Variants in RBM27 observed in about 807,000 individuals in gnomAD.
RBM27 encodes the protein RNA-binding protein 27.
RBM27 carries 22 observed loss-of-function variants against 135.3 expected under a neutral mutation model. The ratio of observed to expected loss-of-function variants is 0.16; its 90% CI spans 0.12 to 0.23. The LOEUF (loss-of-function observed/expected upper bound fraction) is 0.23. RBM27 is among the 10% of genes least tolerant of loss of function. RBM27 has a pLI of 1.00. For missense variants in RBM27, 1,009 were observed against 1,281.0 expected, an observed-to-expected ratio of 0.79 and a Z score of 3.24; for synonymous variants, 481 against 442.4, an observed-to-expected ratio of 1.09 and a Z score of -1.10.
Position 146,242,720 on chromosome 5 carries a change from A to G in RBM27, c.1279+5288A>G, listed in dbSNP as rs571735714. On this transcript the variant is annotated intron_variant, in intron 8 of 20. Transcript: ENST00000265271. ...TCGATTCTTCTGCCGGAGCTTCCCC[A>G]GTAGCTGGGATTACAGGCACATGCC... is the stretch of plus-strand genomic sequence containing the variant. Among the ~76,000 whole-genome samples, 386 of 152,188 alleles carry G rather than the reference A, an allele frequency of 2.5e-3. 4 individuals carry two copies. Among genetic ancestry groups the G allele is most frequent in the African/African-American group, 9.0e-3 (373 of 41,542 alleles).
chr5:146,248,832 G>T lies in RBM27; in HGVS notation c.1280-2879G>T, dbSNP rs1757749761. Among the ~76,000 whole-genome samples, 3 of 151,622 alleles carry T rather than the reference G, an allele frequency of 2.0e-5. No homozygotes were observed. The South Asian group carries it at 6.2e-4, about 32-fold the overall frequency. On this transcript the variant is annotated intron_variant, in intron 8 of 20. Transcript: ENST00000265271. ...GGGCAAAGTAGCCTTTTGGTTTCCA[G>T]TTTACTTTGAGACAGCTATTATTAA...
intron 1 of RBM27, among the ~76,000 whole-genome samples, chr5:146,213,355 T>A (rs906545781): frequency 6.6e-6 from 1 of 152,094 alleles, no homozygotes; most frequent in African/African-American, 2.4e-5. Flanking sequence ...ACCCTTGGCC[T>A]CCCAAAGTGT....
Position 146,283,334 on chromosome 5 carries a change from G to A in RBM27, c.2989-1288G>A, listed in dbSNP as rs562954240. On this transcript the variant is annotated intron_variant, in intron 19 of 20. Transcript: ENST00000265271. ...GTGGGAGAATTCCTCGAGCCCAAGA[G>A]TTTGAGACCAGCCTGGGCAACATCG... 1.8e-4 allele frequency among the ~76,000 whole-genome samples: 27 copies of A among 152,242 alleles called. No individual in the cohort carries two copies. In the East Asian group the frequency reaches 4.8e-3, roughly 27 times the overall value.
intron 2 of RBM27, among the ~76,000 whole-genome samples, 153 bp downstream of exon 2, chr5:146,219,256 A>C (rs1756338384): frequency 6.6e-6 from 1 of 152,200 alleles, no homozygotes; most frequent in Non-Finnish European, 1.5e-5. Context: ...ATTATTTATC[A>C]TGTTTTGTTA....
chr5:146,254,322 A>G (rs1758017103), intron 9 of RBM27, among the ~76,000 whole-genome samples: 1 of 152,132 alleles, frequency 6.6e-6, no homozygotes, highest in African/African-American at 2.4e-5. Flanking sequence ...AAGTGCATTG[A>G]CATTTGGATT....
At chr5:146,211,462 A>ATGG (rs1334313720) in intron 1 of RBM27, among the ~76,000 whole-genome samples, 1 of 52,038 alleles carries the variant, frequency 1.9e-5, no homozygotes, top group Non-Finnish European at 4.2e-5. Flanking sequence ...GTATGGTCTT[A>ATGG]TCTTTTTTTT....
intron 2 of RBM27, among the ~76,000 whole-genome samples, chr5:146,220,031 C>G (rs1756378031): frequency 6.6e-6 from 1 of 152,064 alleles, no homozygotes; most frequent in Admixed American, 6.5e-5. Flanking sequence ...CTGTGCCTGA[C>G]TCCTGTTTTG....
intron 9 of RBM27, among the ~76,000 whole-genome samples, chr5:146,254,112 A>G (rs914402540): frequency 6.6e-6 from 1 of 152,116 alleles, no homozygotes; most frequent in Admixed American, 6.6e-5. Context: ...AACAGAGGAA[A>G]CTCAATTCTT....
chr5:146,266,819 C>A (rs1758637892), intron 14 of RBM27, among the ~76,000 whole-genome samples: 1 of 151,998 alleles, frequency 6.6e-6, no homozygotes, highest in African/African-American at 2.4e-5. Flanking sequence ...CACCTATAGC[C>A]CCAGCTACTC....
chr5:146,211,494 T>TA (rs1755951831), intron 1 of RBM27, among the ~76,000 whole-genome samples: 2 of 108,598 alleles, frequency 1.8e-5, no homozygotes, highest in South Asian at 6.2e-4. Context: ...TTTTTTTTTT[T>TA]ACTTTGAGAG....
chr5:146,264,357 A>G (rs1758525410), intron 14 of RBM27, among the ~76,000 whole-genome samples: 1 of 151,714 alleles, frequency 6.6e-6, no homozygotes, highest in Non-Finnish European at 1.5e-5. Context: ...CTGATTTTGT[A>G]TTTTTAGTGG....
At chr5:146,261,832 G>A (rs757939292) in intron 13 of RBM27, 26 bp downstream of exon 13, 2 of 1,612,530 alleles carry the variant, frequency 1.2e-6, no homozygotes. Context: ...GGGAATTAAA[G>A]GTCTTTTAGT....
At chr5:146,240,195 CT>C (rs1388088129) in intron 8 of RBM27, among the ~76,000 whole-genome samples, 4 of 151,530 alleles carry the variant, frequency 2.6e-5, no homozygotes, top group Admixed American at 2.6e-4. Flanking sequence ...CATGGCTCAA[CT>C]TTCCCCCCCA....
At chr5:146,226,428 G>C (rs980763346) in intron 3 of RBM27, among the ~76,000 whole-genome samples, 1 of 151,994 alleles carries the variant, frequency 6.6e-6, no homozygotes, top group Non-Finnish European at 1.5e-5. Flanking sequence ...GCCCAGGCTG[G>C]AGTGCAATGG....
chr5:146,233,566 C>T lies in RBM27; in HGVS notation c.967C>T (p.Leu323Phe), dbSNP rs1757029922. Reference sequence around the variant, plus strand: ...TCCTTTCCCACCCCCTCCTCCTGGGCTTCCTCCTCCACCACCTCCTGGAAT... The same window carrying T: ...TCCTTTCCCACCCCCTCCTCCTGGGTTTCCTCCTCCACCACCTCCTGGAAT... ...MIPFPPPPPG[L>F]PPPPPPGMLM... Residue 323 changes from leucine (L) to phenylalanine (F), a missense_variant, in exon 7 of 21, where the codon CTT becomes TTT. Coordinates refer to ENST00000265271, the MANE Select transcript of RBM27 (RefSeq NM_018989.2). 6.2e-7 allele frequency: 1 copy of T among 1,613,014 alleles called. No homozygotes were observed. Among genetic ancestry groups the T allele is most frequent in the Non-Finnish European group, 8.5e-7 (1 of 1,179,502 alleles).
chr5:146,253,290 C>G (rs1479184211), intron 9 of RBM27, among the ~76,000 whole-genome samples: 2 of 152,108 alleles, frequency 1.3e-5, no homozygotes, highest in African/African-American at 4.8e-5. Context: ...GCCACTGCGC[C>G]CGGCCCAATT....
In RBM27 at chr5:146,230,647, C is replaced by T. The variant is rs1357746931; in HGVS notation, c.590-10C>T. 7 of 1,608,766 alleles carry T rather than the reference C, an allele frequency of 4.4e-6. No homozygotes were observed. In the East Asian group the frequency reaches 1.6e-4, roughly 36 times the overall value. The stretch of plus-strand genomic sequence containing the variant: ...CTTTGTTTTCTGTTTTTAATTTTGT[C>T]TCCAAGTAGAGCACAGGGAAAGATC... On this transcript the variant is annotated splice_polypyrimidine_tract_variant and intron_variant, in intron 5 of 20. Coordinates refer to ENST00000265271, the MANE Select transcript of RBM27 (RefSeq NM_018989.2).
chr5:146,288,469 G>A lies in RBM27; in HGVS notation c.*2439G>A, dbSNP rs924742298. 6.6e-6 allele frequency: 1 copy of A among 151,920 alleles called. No individual in the cohort carries two copies. The highest frequency in any genetic ancestry group is 1.5e-5 in the Non-Finnish European group (1 of 67,910). 9.4% of individuals were successfully genotyped at this position (151,920 alleles called of 1,614,324 possible). On this transcript the variant is annotated 3_prime_UTR_variant, in exon 21 of 21. Transcript: ENST00000265271. ...TTTGAAGTGAGTTAATTATAATACT[G>A]GAAAACTTCAGGTTAGCATAAAATA...
At chr5:146,231,952 G>A in intron 6 of RBM27, among the ~76,000 whole-genome samples, 1 of 152,128 alleles carries the variant, frequency 6.6e-6, no homozygotes, top group Non-Finnish European at 1.5e-5. Flanking sequence ...TTGCTGCCGG[G>A]AATTTGTAGA....
Sources: allele counts gnomAD v4.1 joint callset (sites outside exome capture counted in the v4.1 genomes callset), GRCh38; gene constraint gnomAD v4.1.1; transcripts MANE v1.5; gene names NCBI Gene and HGNC (gene_info 2026-07-23, HGNC 2026-07-21).